SERPINA4: variants seen among roughly 807,000 people sequenced by gnomAD.
SERPINA4 encodes kallistatin.
In SERPINA4, 24 loss-of-function variants were observed where a neutral mutation model predicts 25.4. The ratio of observed to expected loss-of-function variants is 0.95; its 90% confidence interval spans 0.69 to 1.33. The LOEUF (loss-of-function observed/expected upper bound fraction) is 1.33, where lower values mean the gene tolerates loss of function less well. Ranked by LOEUF, SERPINA4 falls within the 40% of genes most tolerant of loss-of-function variation. SERPINA4 has a pLI of 0.00. For synonymous variants in SERPINA4, 242 were observed against 223.6 expected, an observed-to-expected ratio of 1.08 and a Z score of -0.73; for missense variants, 553 against 535.8, an observed-to-expected ratio of 1.03 and a Z score of -0.32.
At chr14:94,565,572 G>A (rs757463621) in intron 2 of SERPINA4, among the ~76,000 whole-genome samples, 1 of 152,044 alleles carries the variant, frequency 6.6e-6, no homozygotes, top group Non-Finnish European at 1.5e-5. Context: ...TTGAGGCTGG[G>A]CATAGTGGCT....
intron 3 of SERPINA4, 51 bp downstream of exon 3, chr14:94,567,294 A>T (rs1333509600): frequency 6.5e-7 from 1 of 1,540,960 alleles, no homozygotes; most frequent in Admixed American, 1.9e-5. Flanking sequence ...CATCAAATGT[A>T]ACTTTCTAAT....
Position 94,563,466 on chromosome 14 carries a change from G to T in SERPINA4, c.-17G>T. 6.2e-7 allele frequency: 1 copy of T among 1,600,588 alleles called. No homozygotes were observed. On this transcript the variant is annotated splice_region_variant and 5_prime_UTR_variant, in exon 2 of 5. Coordinates refer to ENST00000557004, the MANE Select transcript of SERPINA4 (RefSeq NM_006215.4). The stretch of plus-strand genomic sequence containing the variant: ...CTGGGCATTCTCTTCCCTCCCATAG[G>T]CCTGAGAGTGCAGAGGATGCATCTT...
chr14:94,563,970 A>C lies in SERPINA4; in HGVS notation c.488A>C (p.Tyr163Ser). The C allele has an allele frequency of 6.2e-7, 1 of 1,614,188 alleles. No homozygotes were observed. The highest frequency in any genetic ancestry group is 8.5e-7 in the Non-Finnish European group (1 of 1,180,038). ...AKFLNDTMAVYEAKLFHTNFY... is the reference protein window; with the variant it reads ...AKFLNDTMAVSEAKLFHTNFY... Reference sequence around the variant, plus strand: ...TTCCTGAATGACACCATGGCCGTCTATGAGGCTAAACTCTTCCACACCAAC... The same window carrying C: ...TTCCTGAATGACACCATGGCCGTCTCTGAGGCTAAACTCTTCCACACCAAC... The change falls in exon 2 of 5, where the codon TAT (tyrosine) becomes TCT (serine). Residue 163 changes from tyrosine (Y) to serine (S), a missense_variant. Tyr to Ser is a moderately radical substitution (Grantham distance 144). Coordinates refer to ENST00000557004, the MANE Select transcript of SERPINA4 (RefSeq NM_006215.4).
At chr14:94,566,880 T>A in intron 2 of SERPINA4, 90 bp from the exon 3 acceptor site, 1 of 1,452,076 alleles carries the variant, frequency 6.9e-7, no homozygotes, top group Non-Finnish European at 9.3e-7. Flanking sequence ...ACTGTTTCTG[T>A]AGCTCAGAAC....
chr14:94,563,489 C>T lies in SERPINA4; in HGVS notation c.7C>T (p.Leu3Phe). 6.2e-7 allele frequency: 1 copy of T among 1,612,216 alleles called. No homozygotes were observed. The highest frequency in any genetic ancestry group is 1.1e-5 in the South Asian group (1 of 90,952). ...AGGCCTGAGAGTGCAGAGGATGCATCTTATCGACTACCTGCTCCTCCTGCT... is the reference window on the plus strand; with the variant it reads ...AGGCCTGAGAGTGCAGAGGATGCATTTTATCGACTACCTGCTCCTCCTGCT... MH[L>F]IDYLLLLLVG... The change falls in exon 2 of 5, where the codon CTT becomes TTT. Residue 3 changes from leucine (L) to phenylalanine (F), a missense_variant. By Grantham distance (22) the Leu-to-Phe change is conservative. Coordinates refer to ENST00000557004, the MANE Select transcript of SERPINA4 (RefSeq NM_006215.4).
chr14:94,567,051 C>T lies in SERPINA4; in HGVS notation c.731C>T (p.Pro244Leu). The T allele has an allele frequency of 6.2e-7, 1 of 1,614,210 alleles. No homozygotes were observed. The highest frequency in any genetic ancestry group is 8.5e-7 in the Non-Finnish European group (1 of 1,180,042). ...GATGAGAACACAACAGTCCGGGTGC[C>T]CATGATGCTGCAGGACCAGGAGCAT... ...YVDENTTVRV[P>L]MMLQDQEHHW... Residue 244 changes from proline (P) to leucine (L), a missense_variant, in exon 3 of 5, where the codon CCC becomes CTC. Coordinates refer to ENST00000557004, the MANE Select transcript of SERPINA4 (RefSeq NM_006215.4).
In SERPINA4 at chr14:94,568,355, C is replaced by T. The variant is rs1041420490; in HGVS notation, c.1083+67C>T. 95 of 1,548,056 alleles carry T rather than the reference C, an allele frequency of 6.1e-5. No individual in the cohort carries two copies. In the African/African-American group the frequency reaches 7.8e-4, roughly 13 times the overall value. ...GGCAGTGCCCATGGGAGCTGCCAGGCGATGGGGCTCCCAAGCTGCCACATG... is the reference window on the plus strand; with the variant it reads ...GGCAGTGCCCATGGGAGCTGCCAGGTGATGGGGCTCCCAAGCTGCCACATG... On this transcript the variant is annotated intron_variant, in intron 4 of 4. Transcript: ENST00000557004.
intron 1 of SERPINA4, among the ~76,000 whole-genome samples, chr14:94,562,035 A>G (rs1260342105): frequency 6.6e-6 from 1 of 152,236 alleles, no homozygotes; most frequent in Non-Finnish European, 1.5e-5. Context: ...TATAAATATA[A>G]AATATAAGTG....
intron 4 of SERPINA4, 113 bp from the exon 5 acceptor site, chr14:94,569,282 C>A: frequency 2.1e-6 from 2 of 936,464 alleles, no homozygotes; most frequent in Non-Finnish European, 3.2e-6. Context: ...CAAGAAATGG[C>A]CTTGCAGGCT....
At chr14:94,567,354 T>G in intron 3 of SERPINA4, 111 bp downstream of exon 3, 4 of 1,171,262 alleles carry the variant, frequency 3.4e-6, no homozygotes, top group Non-Finnish European at 4.7e-6. Context: ...ATGAGAGAAT[T>G]CTCACTTGCT....
rs1166445839 is a variant in SERPINA4 at position 94,564,124 on chromosome 14, C to A, written c.642C>A (p.Tyr214Ter). ...TGATGGTGCTGGTGAATTACATTTA[C>A]TTCAAAGGTGAGAGTCAGATCATTG... ...DVLMVLVNYI[Y>*]FKALWEKPFI... The change falls in exon 2 of 5, where the codon TAC (tyrosine) becomes TAA (stop). Residue 214 changes from tyrosine (Y) to a stop codon, truncating the protein, a stop_gained. Coordinates refer to ENST00000557004, the MANE Select transcript of SERPINA4 (RefSeq NM_006215.4). LOFTEE classifies it high-confidence loss of function. The A allele has an allele frequency of 6.2e-7, 1 of 1,600,018 alleles. No individual in the cohort carries two copies. Among genetic ancestry groups the A allele is most frequent in the African/African-American group, 1.3e-5 (1 of 74,920 alleles).
chr14:94,566,163 CCTCT>C (rs919759676), intron 2 of SERPINA4, among the ~76,000 whole-genome samples: 5 of 152,166 alleles, frequency 3.3e-5, no homozygotes, highest in African/African-American at 1.2e-4. Context: ...GTTTTCCCTC[CCTCT>C]ATCATACTTA....
intron 4 of SERPINA4, 113 bp downstream of exon 4, chr14:94,568,401 G>A: frequency 8.8e-7 from 1 of 1,132,268 alleles, no homozygotes; most frequent in Non-Finnish European, 1.3e-6. Flanking sequence ...GCCTGAGTGT[G>A]TTCAGTCATC....
At chr14:94,561,794 C>A in intron 1 of SERPINA4, 2 of 1,289,848 alleles carry the variant, frequency 1.6e-6, no homozygotes, top group Non-Finnish European at 2.0e-6. Flanking sequence ...CCAAGGTCTT[C>A]TGGCTGCCAA....
intron 4 of SERPINA4, among the ~76,000 whole-genome samples, 184 bp downstream of exon 4, chr14:94,568,472 T>C (rs1442144126): frequency 6.6e-6 from 1 of 152,178 alleles, no homozygotes; most frequent in African/African-American, 2.4e-5. Context: ...GCTGGAGATA[T>C]AGTGTTGAAC....
intron 3 of SERPINA4, among the ~76,000 whole-genome samples, chr14:94,567,473 TG>T (rs1237077838): frequency 1.3e-5 from 2 of 152,202 alleles, no homozygotes; most frequent in Non-Finnish European, 2.9e-5. Context: ...TTCAGAGTCC[TG>T]GGTTCTAGAC....
At chr14:94,563,300 C>T (rs1460021141) in intron 1 of SERPINA4, among the ~76,000 whole-genome samples, 166 bp from the exon 2 acceptor site, 1 of 152,114 alleles carries the variant, frequency 6.6e-6, no homozygotes, top group African/African-American at 2.4e-5. Context: ...GTTGCTGTCA[C>T]CATACATGTG....
Position 94,567,145 on chromosome 14 carries a change from C to A in SERPINA4, c.825C>A (p.Thr275=), listed in dbSNP as rs759282087. The A allele has an allele frequency of 1.2e-6, 2 of 1,614,136 alleles. No individual in the cohort carries two copies. The highest frequency in any genetic ancestry group is 1.7e-6 in the Non-Finnish European group (2 of 1,180,022). ...GGATGGATTACAAAGGAGACGCAAC[C>A]GTGTTTTTCATTCTCCCTAACCAAG... The part of the protein sequence containing the change: ...VLRMDYKGDA[T]VFFILPNQGK... Residue 275 remains threonine (T), a synonymous_variant, in exon 3 of 5, where the codon ACC becomes ACA. Coordinates refer to ENST00000557004, the MANE Select transcript of SERPINA4 (RefSeq NM_006215.4).
At chr14:94,569,289 G>T (rs915586961) in intron 4 of SERPINA4, 106 bp from the exon 5 acceptor site, 3 of 1,022,898 alleles carry the variant, frequency 2.9e-6, no homozygotes, top group African/African-American at 3.2e-5. Flanking sequence ...TGGCCTTGCA[G>T]GCTGTTATGT....
Sources: allele counts gnomAD v4.1 joint callset (sites outside exome capture counted in the v4.1 genomes callset), GRCh38; gene constraint gnomAD v4.1.1; transcripts MANE v1.5; gene names NCBI Gene and HGNC (gene_info 2026-07-23, HGNC 2026-07-21).